The following NRDC variants were observed in gnomAD, a reference collection of about 807,000 sequenced individuals.
NRDC encodes the protein nardilysin.
NRDC carries 54 observed loss-of-function variants against 147.1 expected under a neutral mutation model. The ratio of observed to expected loss-of-function variants is 0.37; its 90% CI spans 0.29 to 0.46. The LOEUF (loss-of-function observed/expected upper bound fraction) is 0.46, where lower values mean the gene tolerates loss of function less well. Ranked by LOEUF, NRDC falls within the 20% of genes least tolerant of loss-of-function variation. The pLI is 1.00. For synonymous variants in NRDC, 440 were observed against 482.1 expected, an observed-to-expected ratio of 0.91 and a Z score of 1.14; for missense variants, 1,082 against 1,370.6, an observed-to-expected ratio of 0.79 and a Z score of 3.33.
At chr1:51,828,497 C>G (rs1156740758) in intron 4 of NRDC, among the ~76,000 whole-genome samples, 1 of 151,956 alleles carries the variant, frequency 6.6e-6, no homozygotes, top group African/African-American at 2.4e-5. Context: ...ATTTTAAAGA[C>G]TTGGTATTTA....
chr1:51,808,343 G>C (rs149705142), intron 17 of NRDC, among the ~76,000 whole-genome samples: 1 of 152,252 alleles, frequency 6.6e-6, no homozygotes, highest in African/African-American at 2.4e-5. Flanking sequence ...TCTATGTTCT[G>C]TCTCTGGATT....
At position 51,865,354 on chromosome 1, in the gene NRDC, G is replaced by C. The variant is rs369222274; in HGVS notation, c.341+12921C>G. Among the ~76,000 whole-genome samples the C allele has an allele frequency of 1.3e-4, 19 of 151,594 alleles. 1 individual carries two copies. In the East Asian group the frequency reaches 2.9e-3, roughly 23 times the overall value. ...GAGTCTCGCTCTGTCACCCAGGTTA[G>C]AGTGCAATGGCGTGATCATGGCTCA... On this transcript the variant is annotated intron_variant, in intron 1 of 30. Transcript: ENST00000352171.
At chr1:51,789,455 A>C in intron 30 of NRDC, 22 bp from the exon 31 acceptor site, 1 of 1,613,030 alleles carries the variant, frequency 6.2e-7, no homozygotes, top group Non-Finnish European at 8.5e-7. Flanking sequence ...CAAAGACAAA[A>C]GTGAAAAATA....
intron 14 of NRDC, among the ~76,000 whole-genome samples, chr1:51,812,860 G>C (rs1679790114): frequency 6.6e-6 from 1 of 151,518 alleles, no homozygotes. Flanking sequence ...TATTTGGGAG[G>C]CTGAGGCAGG....
At chr1:51,821,451 T>C in intron 8 of NRDC, 47 bp downstream of exon 8, 1 of 1,293,344 alleles carries the variant, frequency 7.7e-7, no homozygotes, top group Non-Finnish European at 1.1e-6. Context: ...AAGATAATGG[T>C]CTCTTTAACT....
intron 1 of NRDC, among the ~76,000 whole-genome samples, chr1:51,852,255 G>A (rs1681988970): frequency 1.3e-5 from 2 of 151,462 alleles, no homozygotes; most frequent in African/African-American, 4.9e-5. Context: ...CCTGGCTAAC[G>A]CTTCTTAGTT....
rs1421904761 is a variant in NRDC at position 51,795,025 on chromosome 1, ATTGTGT to A, written c.2605-177_2605-172del. On this transcript the variant is annotated intron_variant, in intron 22 of 30. Coordinates refer to ENST00000352171, the MANE Select transcript of NRDC (RefSeq NM_001101662.2). ...TTATTCATTGACTGATTCAAGATTG[ATTGTGT>A]TTGTGGAACACTAAGCAGCTCTTAA... 14 of 1,479,076 alleles carry A rather than the reference ATTGTGT, an allele frequency of 9.5e-6. No individual in the cohort carries two copies. The East Asian group carries it at 1.7e-4, about 18-fold the overall frequency. The allele number at this position is 1,479,076 out of a possible 1,614,324, so 91.6% of individuals were successfully genotyped here.
chr1:51,792,061 G>C lies in NRDC; in HGVS notation c.2861C>G (p.Thr954Ser). The C allele has an allele frequency of 1.2e-6, 2 of 1,614,034 alleles. No individual in the cohort carries two copies. Among genetic ancestry groups the C allele is most frequent in the East Asian group, 2.2e-5 (1 of 44,868 alleles). ...GCTGACTTACCCAAGGGTCTGCTTG[G>C]TTCGAAGGAAGTCAAAACAAGGTTC... ...MEEPCFDFLR[T>S]KQTLGYHVYP... Residue 954 changes from threonine (T) to serine (S), a missense_variant, in exon 26 of 31, where the codon ACC becomes AGC. Thr to Ser is a moderately conservative substitution (Grantham distance 58). This residue lies in a region of NRDC where 635 missense variants were observed against 923.8 expected (regional missense o/e 0.69). Transcript: ENST00000352171.
intron 5 of NRDC, among the ~76,000 whole-genome samples, chr1:51,827,011 A>C (rs1367008524): frequency 2.6e-5 from 4 of 152,214 alleles, no homozygotes; most frequent in Non-Finnish European, 5.9e-5. Flanking sequence ...ACAGGTATTT[A>C]ACTGGGTTTA....
rs557470330 is a variant in NRDC, at chr1:51,848,436, G to C, written c.342-7922C>G. ...GCGGAGCTTGCAGTGAGCCGAGATA[G>C]CGCCACGGCACTCTAGCCTGAATGA... is the stretch of plus-strand genomic sequence containing the variant. On this transcript the variant is annotated intron_variant, in intron 1 of 30. Transcript: ENST00000352171. Among the ~76,000 whole-genome samples the C allele has an allele frequency of 2.0e-5, 3 of 152,128 alleles. No individual in the cohort carries two copies. The East Asian group carries it at 5.8e-4, about 29-fold the overall frequency.
At chr1:51,837,258 A>G (rs894030791) in intron 2 of NRDC, among the ~76,000 whole-genome samples, 1 of 152,224 alleles carries the variant, frequency 6.6e-6, no homozygotes, top group African/African-American at 2.4e-5. Flanking sequence ...GTTTTAATAA[A>G]CAGTTACCTC....
At chr1:51,875,339 C>T (rs145375581) in intron 1 of NRDC, among the ~76,000 whole-genome samples, 2 of 151,776 alleles carry the variant, frequency 1.3e-5, no homozygotes, top group East Asian at 3.9e-4. Flanking sequence ...TAACCAACCC[C>T]CTTCGTTTTT....
intron 5 of NRDC, 60 bp downstream of exon 5, chr1:51,827,736 A>C: frequency 7.9e-7 from 1 of 1,269,318 alleles, no homozygotes; most frequent in Non-Finnish European, 1.2e-6. Flanking sequence ...GGATAAATGT[A>C]ATAAGTAACT....
At chr1:51,812,811 G>T (rs938111971) in intron 14 of NRDC, among the ~76,000 whole-genome samples, 3 of 151,908 alleles carry the variant, frequency 2.0e-5, no homozygotes, top group African/African-American at 7.3e-5. Flanking sequence ...ATCAAAATGT[G>T]TTGGGCCGGG....
chr1:51,812,840 T>C (rs917992076), intron 14 of NRDC, among the ~76,000 whole-genome samples: 5 of 151,790 alleles, frequency 3.3e-5, no homozygotes, highest in African/African-American at 1.2e-4. Flanking sequence ...CTCATGCCTG[T>C]AGTTCCAGCT....
intron 1 of NRDC, among the ~76,000 whole-genome samples, chr1:51,855,840 T>A (rs367864527): frequency 1.8e-4 from 28 of 151,826 alleles, no homozygotes; most frequent in East Asian, 1.2e-3. Flanking sequence ...GCCATGGCAC[T>A]CCAGCATGGG....
chr1:51,810,689 A>G (rs574407847), intron 15 of NRDC, among the ~76,000 whole-genome samples: 1 of 152,344 alleles, frequency 6.6e-6, no homozygotes, highest in African/African-American at 2.4e-5. Context: ...AAAAATAGCT[A>G]TCCTTTACTA....
chr1:51,836,780 ATAAC>A (rs1322625968), intron 2 of NRDC, among the ~76,000 whole-genome samples: 8 of 152,330 alleles, frequency 5.3e-5, no homozygotes, highest in African/African-American at 1.9e-4. Flanking sequence ...ATTAAAAAGT[ATAAC>A]TAAATTTTAA....
Position 51,840,227 on chromosome 1 carries a change from T to A in NRDC, c.629A>T (p.Gln210Leu). 6.3e-7 allele frequency: 1 copy of A among 1,592,244 alleles called. No individual in the cohort carries two copies. Among genetic ancestry groups the A allele is most frequent in the Non-Finnish European group, 8.5e-7 (1 of 1,171,162 alleles). Residue 210 changes from glutamine (Q) to leucine (L), a missense_variant and splice_region_variant, in exon 2 of 31, where the codon CAG (glutamine) becomes CTG (leucine). Physicochemically the swap from Gln to Leu is moderately radical, Grantham distance 113. Transcript: ENST00000352171. ...AEARKKTTEK[Q>L]SAAALCVGVG... ...GAAGAAAACAGACATGACTCGCACC[T>A]GTTTTTCAGTAGTTTTTTTTCTAGC...
Sources: gnomAD v4.1 joint callset for allele counts (sites outside exome capture counted in the v4.1 genomes callset) on GRCh38, gnomAD v4.1.1 for gene constraint, gnomAD v4.1.1 regional missense constraint, MANE v1.5 for transcripts, NCBI Gene and HGNC (gene_info 2026-07-23, HGNC 2026-07-21) for gene names.